The following BNC2 variants were observed in gnomAD, a reference collection of about 807,000 sequenced individuals.
BNC2 encodes the protein basonuclin zinc finger protein 2, also known as zinc finger protein basonuclin-2.
BNC2 carries 20 observed loss-of-function variants against 76.3 expected under a neutral mutation model. The observed-to-expected ratio is 0.26, with a 90% CI of 0.18 to 0.38. BNC2 has a LOEUF of 0.38. BNC2 is among the 10% of genes least tolerant of loss of function. BNC2 has a pLI of 1.00. For missense variants in BNC2, 1,382 were observed against 1,399.8 expected (o/e 0.99, Z 0.20); for synonymous variants, 582 against 514.8 (o/e 1.13, Z -1.77).
intron 3 of BNC2, among the ~76,000 whole-genome samples, chr9:16,668,318 G>A (rs2134148816): frequency 6.6e-6 from 1 of 152,260 alleles, no homozygotes. Flanking sequence ...GCATACCGCG[G>A]GAGCTCGATG....
intron 3 of BNC2, among the ~76,000 whole-genome samples, chr9:16,617,750 T>C (rs1184061056): frequency 6.6e-6 from 1 of 152,236 alleles, no homozygotes; most frequent in African/African-American, 2.4e-5. Flanking sequence ...TTATTATGTT[T>C]CAGGCACTGT....
intron 5 of BNC2, among the ~76,000 whole-genome samples, chr9:16,519,400 C>T (rs768988016): frequency 9.9e-5 from 15 of 152,152 alleles, no homozygotes; most frequent in Non-Finnish European, 2.1e-4. Context: ...CTCAAATCAA[C>T]CTTAGCAGAT....
chr9:16,595,794 T>C (rs1473854576), intron 3 of BNC2, among the ~76,000 whole-genome samples: 1 of 152,028 alleles, frequency 6.6e-6, no homozygotes, highest in Non-Finnish European at 1.5e-5. Flanking sequence ...TAAAAACAAA[T>C]GCTTCAACAT....
intron 5 of BNC2, among the ~76,000 whole-genome samples, chr9:16,493,849 G>C (rs1246541642): frequency 6.6e-6 from 1 of 152,160 alleles, no homozygotes; most frequent in East Asian, 1.9e-4. Flanking sequence ...AAGTAGAAAG[G>C]CACAGAGAGT....
Position 16,437,305 on chromosome 9 carries a change from G to T in BNC2, c.889C>A (p.Leu297Ile), listed in dbSNP as rs760944883. 1 of 1,614,148 alleles carries T rather than the reference G, an allele frequency of 6.2e-7. No individual in the cohort carries two copies. The highest frequency in any genetic ancestry group is 2.2e-5 in the East Asian group (1 of 44,882). The change falls in exon 6 of 7, where the codon CTC becomes ATC. Residue 297 changes from leucine to isoleucine, a missense_variant. Coordinates refer to ENST00000380672, the MANE Select transcript of BNC2 (RefSeq NM_017637.6). ...TTGCTGTTCTCTAAGTGAGCAAGGAGGCTGGGACTCCTGGTGCGATTATTG... is the reference window on the plus strand; with the variant it reads ...TTGCTGTTCTCTAAGTGAGCAAGGATGCTGGGACTCCTGGTGCGATTATTG... Reference protein sequence around the residue: ...ESNNRTRSPSLLAHLENSNPS... With the variant: ...ESNNRTRSPSILAHLENSNPS...
chr9:16,544,088 A>C (rs575364918), intron 5 of BNC2, among the ~76,000 whole-genome samples: 1 of 152,320 alleles, frequency 6.6e-6, no homozygotes, highest in African/African-American at 2.4e-5. Context: ...ACTTGGTATC[A>C]AATAATCCCC....
At chr9:16,557,624 A>G (rs556733781) in intron 4 of BNC2, among the ~76,000 whole-genome samples, 14 of 152,232 alleles carry the variant, frequency 9.2e-5, no homozygotes, top group Admixed American at 5.2e-4. Context: ...AGAACATCCA[A>G]TCAGGTATTA....
chr9:16,615,202 A>C (rs1221029706), intron 3 of BNC2, among the ~76,000 whole-genome samples: 1 of 152,120 alleles, frequency 6.6e-6, no homozygotes, highest in Non-Finnish European at 1.5e-5. Context: ...GTAAGTTTAC[A>C]ATTCTGCCCC....
At chr9:16,746,535 T>C (rs13292846) in intron 1 of BNC2, among the ~76,000 whole-genome samples, 130,437 of 151,594 alleles carry the variant, frequency 0.86, 56,515 homozygotes, top group Non-Finnish European at 0.91. Flanking sequence ...GGCTAATTTT[T>C]GTATTTTTAG....
intron 1 of BNC2, among the ~76,000 whole-genome samples, chr9:16,739,922 A>G (rs1452485196): frequency 1.3e-5 from 2 of 152,232 alleles, no homozygotes; most frequent in Non-Finnish European, 2.9e-5. Context: ...GGAACAGCAG[A>G]TCATGCAGAT....
At chr9:16,825,112 T>C (rs7043062) in intron 1 of BNC2, among the ~76,000 whole-genome samples, 44,024 of 151,660 alleles carry the variant, frequency 0.29, 7,744 homozygotes, top group East Asian at 0.53. Context: ...GTTTACTTTA[T>C]ACTAAAAATT....
intron 1 of BNC2, among the ~76,000 whole-genome samples, chr9:16,848,051 C>T (rs1196749872): frequency 1.3e-5 from 2 of 152,134 alleles, no homozygotes; most frequent in African/African-American, 4.8e-5. Context: ...CTTATGAAAA[C>T]ACAACAAAAT....
chr9:16,839,850 G>A (rs1291059354), intron 1 of BNC2, among the ~76,000 whole-genome samples: 1 of 152,164 alleles, frequency 6.6e-6, no homozygotes, highest in Non-Finnish European at 1.5e-5. Flanking sequence ...TGTGGTGCAT[G>A]TACCTACGTA....
At chr9:16,795,885 T>A (rs1469354215) in intron 1 of BNC2, among the ~76,000 whole-genome samples, 1 of 152,096 alleles carries the variant, frequency 6.6e-6, no homozygotes, top group East Asian at 1.9e-4. Flanking sequence ...GAGGTAAAGG[T>A]CATGGTTAGG....
chr9:16,837,169 T>G (rs988267934), intron 1 of BNC2, among the ~76,000 whole-genome samples: 1 of 152,210 alleles, frequency 6.6e-6, no homozygotes, highest in Non-Finnish European at 1.5e-5. Context: ...AACAAAGATC[T>G]CAGTAATATA....
chr9:16,748,930 A>AC (rs1825096583), intron 1 of BNC2, among the ~76,000 whole-genome samples: 1 of 89,000 alleles, frequency 1.1e-5, no homozygotes, highest in African/African-American at 4.8e-5. Context: ...TACTATATAT[A>AC]TATATATATA....
chr9:16,667,704 A>T (rs74500336), intron 3 of BNC2, among the ~76,000 whole-genome samples: 2,384 of 152,292 alleles, frequency 0.016, 60 homozygotes, highest in African/African-American at 0.053. Flanking sequence ...TGTAATATGA[A>T]AGTTAAGAAA....
intron 3 of BNC2, among the ~76,000 whole-genome samples, chr9:16,600,879 T>C (rs1302315292): frequency 1.3e-5 from 2 of 152,160 alleles, no homozygotes; most frequent in African/African-American, 2.4e-5. Context: ...CTACCTTTCA[T>C]CTGAAATAAT....
intron 3 of BNC2, among the ~76,000 whole-genome samples, chr9:16,675,917 T>C (rs995617394): frequency 2.0e-5 from 3 of 152,088 alleles, no homozygotes; most frequent in Non-Finnish European, 2.9e-5. Context: ...ATACAAAAAT[T>C]AGCTGGGTGT....
Sources: allele counts gnomAD v4.1 joint callset (sites outside exome capture counted in the v4.1 genomes callset), GRCh38; gene constraint gnomAD v4.1.1; transcripts MANE v1.5; gene names NCBI Gene and HGNC (gene_info 2026-07-23, HGNC 2026-07-21).